The following ANK2 variants were observed in gnomAD, a reference collection of about 807,000 sequenced individuals.
ANK2 encodes the protein ankyrin 2.
Under a neutral mutation model 360.5 loss-of-function variants are expected in ANK2, and 83 were observed. That is an observed-to-expected ratio of 0.23 (90% CI 0.19 to 0.28). ANK2 has a LOEUF of 0.28. Ranked by LOEUF, ANK2 falls within the 10% of genes least tolerant of loss-of-function variation. The pLI is 1.00. For missense variants in ANK2, 4,201 were observed against 4,795.7 expected (o/e 0.88, Z 3.66); for synonymous variants, 1,740 against 1,759.5 (o/e 0.99, Z 0.28).
chr4:113,314,687 T>C (rs1476499150), intron 24 of ANK2, among the ~76,000 whole-genome samples: 1 of 152,216 alleles, frequency 6.6e-6, no homozygotes. Flanking sequence ...GCTGGTTATA[T>C]TATTTTAGTG....
At chr4:112,825,881 C>T (rs928447444) in intron 1 of ANK2, among the ~76,000 whole-genome samples, 4 of 152,038 alleles carry the variant, frequency 2.6e-5, no homozygotes, top group African/African-American at 9.7e-5. Context: ...TCTCTGTGTC[C>T]CTGTGCCTTT....
intron 4 of ANK2, among the ~76,000 whole-genome samples, chr4:113,230,848 G>T (rs1306207714): frequency 6.6e-6 from 1 of 152,084 alleles, no homozygotes; most frequent in South Asian, 2.1e-4. Flanking sequence ...CCATTAGGGC[G>T]CATGTGTCTG....
At chr4:112,978,471 A>G (rs77487607) in intron 2 of ANK2, among the ~76,000 whole-genome samples, 1,634 of 152,296 alleles carry the variant, frequency 0.011, 7 homozygotes, top group Non-Finnish European at 0.018. Context: ...ATTAAATAGT[A>G]AGGCCCAGTT....
chr4:113,346,926 T>A (rs912971019), intron 35 of ANK2, among the ~76,000 whole-genome samples: 1 of 152,158 alleles, frequency 6.6e-6, no homozygotes, highest in Non-Finnish European at 1.5e-5. Context: ...TTCTTTTAAA[T>A]TTTTTTAACC....
rs745359722 is a variant in ANK2, at chr4:113,357,275, T to C, written c.8657T>C (p.Leu2886Ser). The change falls in exon 38 of 46, where the codon TTA becomes TCA. Residue 2886 changes from leucine (L) to serine (S), a missense_variant. By Grantham distance (145) the Leu-to-Ser change is moderately radical. This residue lies in a region of ANK2 where 2,642 missense variants were observed against 2,714.5 expected (regional missense o/e 0.97). Transcript: ENST00000357077. ...VTKTDETFENLPKDCPSQDSS... is the reference protein window; with the variant it reads ...VTKTDETFENSPKDCPSQDSS... ...AAAACTGATGAAACATTTGAGAACT[T>C]ACCAAAGGACTGCCCCTCTCAAGAC... is the stretch of plus-strand genomic sequence containing the variant. The C allele has an allele frequency of 6.2e-7, 1 of 1,614,062 alleles. No individual in the cohort carries two copies. Among genetic ancestry groups the C allele is most frequent in the Non-Finnish European group, 8.5e-7 (1 of 1,180,004 alleles).
the ANK2 span, among the ~76,000 whole-genome samples, chr4:112,713,896 T>G: frequency 1.4e-5 from 2 of 145,530 alleles, no homozygotes; most frequent in African/African-American, 5.2e-5. Context: ...ATCTCGCCAC[T>G]GCACTCCAGC....
rs182110237 is a variant in ANK2 at position 113,179,667 on chromosome 4, G to A, written c.186+5150G>A. ...TTTAGAAGAGAAAATAAATCTTAGC[G>A]TTCAATTTATTTCTGAAACTCATAA... On this transcript the variant is annotated intron_variant, in intron 2 of 45. Coordinates refer to ENST00000357077, the MANE Select transcript of ANK2 (RefSeq NM_001148.6). Among the ~76,000 whole-genome samples, 32 of 152,120 alleles carry A rather than the reference G, an allele frequency of 2.1e-4. No homozygotes were observed. In the Middle Eastern group the frequency reaches 0.01, roughly 49 times the overall value.
chr4:113,058,108 C>A (rs983546819), intron 1 of ANK2, among the ~76,000 whole-genome samples: 2 of 152,170 alleles, frequency 1.3e-5, no homozygotes, highest in Non-Finnish European at 2.9e-5. Context: ...CAGAGTGACT[C>A]ATGACCAACC....
chr4:112,900,140 C>T (rs555836478), intron 1 of ANK2, among the ~76,000 whole-genome samples: 28 of 152,216 alleles, frequency 1.8e-4, no homozygotes, highest in African/African-American at 6.5e-4. Context: ...ATCTGTCTTC[C>T]ACCCCACATT....
rs757998275 is a variant in ANK2 at position 113,354,720 on chromosome 4, G to A, written c.6102G>A (p.Gly2034=). Residue 2034 remains glycine, a synonymous_variant, in exon 38 of 46, where the codon GGG becomes GGA. Coordinates refer to ENST00000357077, the MANE Select transcript of ANK2 (RefSeq NM_001148.6). ...AAGTTCGGGTAGAAAAAGAAAAGGG[G>A]CCGATACTAACCCAGAGAGAAGCTC... ...KGKVRVEKEK[G]PILTQREAQK... The A allele has an allele frequency of 6.2e-7, 1 of 1,613,708 alleles. No individual in the cohort carries two copies. Among genetic ancestry groups the A allele is most frequent in the Admixed American group, 1.7e-5 (1 of 59,922 alleles).
At chr4:112,755,491 G>C in the ANK2 span, among the ~76,000 whole-genome samples, 1 of 152,222 alleles carries the variant, frequency 6.6e-6, no homozygotes, top group Non-Finnish European at 1.5e-5. Context: ...CAGGTTTTGG[G>C]ATAGGCGGTA....
At chr4:112,746,776 T>G in the ANK2 span, among the ~76,000 whole-genome samples, 1 of 152,222 alleles carries the variant, frequency 6.6e-6, no homozygotes, top group African/African-American at 2.4e-5. Flanking sequence ...TGTATTAACT[T>G]ACATTTTAAT....
intron 1 of ANK2, among the ~76,000 whole-genome samples, chr4:112,859,303 C>T (rs538279615): frequency 1.3e-5 from 2 of 152,308 alleles, no homozygotes; most frequent in African/African-American, 4.8e-5. Flanking sequence ...TAGCCTTTTC[C>T]TTAGTTGCAC....
At chr4:113,175,058 G>A (rs891300531) in intron 2 of ANK2, among the ~76,000 whole-genome samples, 1 of 151,996 alleles carries the variant, frequency 6.6e-6, no homozygotes, top group Non-Finnish European at 1.5e-5. Flanking sequence ...ATATTATTTG[G>A]TACCAACGTT....
chr4:113,266,419 T>C (rs2153662144), intron 14 of ANK2, among the ~76,000 whole-genome samples: 2 of 152,354 alleles, frequency 1.3e-5, no homozygotes, highest in African/African-American at 4.8e-5. Context: ...TAAACATATG[T>C]GTGCATGTGT....
chr4:113,367,573 G>A lies in ANK2; in HGVS notation c.11040G>A (p.Ser3680=), dbSNP rs72544142. 73 of 1,613,286 alleles carry A rather than the reference G, an allele frequency of 4.5e-5. No individual in the cohort carries two copies. The highest frequency in any genetic ancestry group is 5.5e-5 in the Non-Finnish European group (65 of 1,179,894). The part of the protein sequence containing the change: ...TITLDHSEGF[S]VLQEELCTAQ... The stretch of plus-strand genomic sequence containing the variant: ...AAATCATTCTGCCTTTAGGGTTCTC[G>A]GTACTTCAAGAGGAGTTATGCACTG... The change falls in exon 42 of 46, where the codon TCG becomes TCA. Residue 3680 remains serine, a synonymous_variant. Coordinates refer to ENST00000357077, the MANE Select transcript of ANK2 (RefSeq NM_001148.6).
chr4:113,026,166 G>T (rs2059254692), intron 2 of ANK2, among the ~76,000 whole-genome samples: 1 of 152,144 alleles, frequency 6.6e-6, no homozygotes, highest in Non-Finnish European at 1.5e-5. Context: ...GAAAGCAAAT[G>T]CCCTATTTAA....
At chr4:113,066,893 G>A (rs1377947196) in intron 1 of ANK2, among the ~76,000 whole-genome samples, 2 of 152,080 alleles carry the variant, frequency 1.3e-5, no homozygotes, top group African/African-American at 4.8e-5. Flanking sequence ...ACCTAATAGG[G>A]TTTCTGTGAC....
chr4:113,283,514 A>G (rs192814834), intron 18 of ANK2, among the ~76,000 whole-genome samples: 27 of 152,286 alleles, frequency 1.8e-4, no homozygotes, highest in African/African-American at 6.3e-4. Context: ...ACTGGCCTCT[A>G]TAGACCTCCG....
Sources: allele counts gnomAD v4.1 joint callset (sites outside exome capture counted in the v4.1 genomes callset), GRCh38; gene constraint gnomAD v4.1.1; regional missense constraint gnomAD v4.1.1; transcripts MANE v1.5; gene names NCBI Gene and HGNC (gene_info 2026-07-23, HGNC 2026-07-21).